Variants in LRRTM4 observed in about 807,000 individuals in gnomAD.
LRRTM4 encodes the protein leucine rich repeat transmembrane neuronal 4, also known as leucine-rich repeat transmembrane neuronal protein 4.
In LRRTM4, 25 loss-of-function variants were observed where a neutral mutation model predicts 47.6. The ratio of observed to expected loss-of-function variants is 0.53; its 90% CI spans 0.38 to 0.73. The LOEUF (loss-of-function observed/expected upper bound fraction) is 0.73. Among genes scored for constraint, LRRTM4 ranks in the 30% least tolerant of loss-of-function variants. The pLI is 0.00. For synonymous variants in LRRTM4, 311 were observed against 269.5 expected, an observed-to-expected ratio of 1.15 and a Z score of -1.51; for missense variants, 638 against 713.4, an observed-to-expected ratio of 0.89 and a Z score of 1.20.
chr2:76,757,589 GC>G (rs1673086714), intron 3 of LRRTM4, among the ~76,000 whole-genome samples: 1 of 152,086 alleles, frequency 6.6e-6, no homozygotes. Flanking sequence ...GGTAGCTCTG[GC>G]CTCTAAATTA....
chr2:77,245,392 A>AAAAAC (rs1435976754), intron 3 of LRRTM4, among the ~76,000 whole-genome samples: 10 of 151,746 alleles, frequency 6.6e-5, no homozygotes, highest in Non-Finnish European at 1.5e-5. Context: ...ACAAAAAATA[A>AAAAAC]AAAACAAAAC....
intron 3 of LRRTM4, among the ~76,000 whole-genome samples, chr2:77,483,027 A>G (rs997358242): frequency 6.9e-6 from 1 of 144,912 alleles, no homozygotes; most frequent in African/African-American, 2.5e-5. Context: ...AGGCTGAGGC[A>G]GGAGAATTGC....
chr2:76,782,309 C>CTAAA (rs1345323736), intron 3 of LRRTM4, among the ~76,000 whole-genome samples: 3 of 152,144 alleles, frequency 2.0e-5, no homozygotes, highest in Admixed American at 2.0e-4. Flanking sequence ...AGCTACAGAT[C>CTAAA]TAAATCTACA....
chr2:76,994,816 G>A (rs1055533280), intron 3 of LRRTM4, among the ~76,000 whole-genome samples: 6 of 151,904 alleles, frequency 3.9e-5, no homozygotes, highest in African/African-American at 1.2e-4. Context: ...TGATGAATGT[G>A]TGAAATTGAT....
intron 3 of LRRTM4, among the ~76,000 whole-genome samples, chr2:77,107,877 G>A (rs1671142121): frequency 6.7e-6 from 1 of 150,142 alleles, no homozygotes; most frequent in East Asian, 2.0e-4. Flanking sequence ...AAGCTATTCT[G>A]TATAGCTCTT....
At chr2:77,136,676 C>G (rs574283575) in intron 3 of LRRTM4, among the ~76,000 whole-genome samples, 13 of 152,222 alleles carry the variant, frequency 8.5e-5, no homozygotes, top group African/African-American at 2.9e-4. Flanking sequence ...TCAAATTTCT[C>G]CGAGCTAAAG....
At chr2:76,840,870 T>C (rs1028560759) in intron 3 of LRRTM4, among the ~76,000 whole-genome samples, 2 of 151,946 alleles carry the variant, frequency 1.3e-5, no homozygotes, top group African/African-American at 4.8e-5. Flanking sequence ...AGTGTGGCGA[T>C]TCCTCAGGGA....
chr2:77,260,807 G>A (rs1192743989), intron 3 of LRRTM4, among the ~76,000 whole-genome samples: 2 of 152,098 alleles, frequency 1.3e-5, no homozygotes, highest in African/African-American at 2.4e-5. Context: ...ACAAAGTCAC[G>A]CCGAGCCTGA....
intron 3 of LRRTM4, among the ~76,000 whole-genome samples, chr2:77,095,029 A>C (rs1020572367): frequency 3.9e-5 from 6 of 152,208 alleles, no homozygotes; most frequent in Non-Finnish European, 8.8e-5. Flanking sequence ...CATAAAACTG[A>C]TAAGAGGCTA....
chr2:76,947,152 C>A (rs1411656892), intron 3 of LRRTM4, among the ~76,000 whole-genome samples: 1 of 151,812 alleles, frequency 6.6e-6, no homozygotes, highest in Non-Finnish European at 1.5e-5. Flanking sequence ...TGAACATCAA[C>A]AGAAGGAATA....
At chr2:77,252,082 G>C (rs1675632788) in intron 3 of LRRTM4, among the ~76,000 whole-genome samples, 1 of 152,154 alleles carries the variant, frequency 6.6e-6, no homozygotes. Flanking sequence ...CTGATGAAAA[G>C]TCAACAAATC....
intron 3 of LRRTM4, among the ~76,000 whole-genome samples, chr2:76,825,475 C>A (rs1436961578): frequency 1.3e-5 from 2 of 151,460 alleles, no homozygotes; most frequent in Non-Finnish European, 3.0e-5. Flanking sequence ...TTGACTCGAG[C>A]AATTGTGGGG....
At chr2:76,786,799 G>A (rs1334123638) in intron 3 of LRRTM4, among the ~76,000 whole-genome samples, 1 of 151,938 alleles carries the variant, frequency 6.6e-6, no homozygotes, top group Non-Finnish European at 1.5e-5. Context: ...ACCAAAAATA[G>A]TTCATTTAAA....
intron 3 of LRRTM4, among the ~76,000 whole-genome samples, chr2:77,075,943 A>AAAAAAAAT (rs60802639): frequency 1.4e-5 from 2 of 144,238 alleles, no homozygotes; most frequent in African/African-American, 2.6e-5. Context: ...AAAAAAAAAA[A>AAAAAAAAT]TGGGATGAAG....
At chr2:77,376,902 A>T (rs1389989091) in intron 3 of LRRTM4, among the ~76,000 whole-genome samples, 1 of 151,932 alleles carries the variant, frequency 6.6e-6, no homozygotes, top group African/African-American at 2.4e-5. Flanking sequence ...TCTATTCTTG[A>T]AGTAGAGAGA....
intron 3 of LRRTM4, among the ~76,000 whole-genome samples, chr2:76,870,776 G>A (rs78867164): frequency 6.6e-6 from 1 of 152,280 alleles, no homozygotes; most frequent in Non-Finnish European, 1.5e-5. Context: ...GCCATAGAAA[G>A]TACATACTTG....
chr2:76,887,321 CTTTAAT>C lies in LRRTM4; in HGVS notation c.1552-138411_1552-138406del, dbSNP rs534320145. On this transcript the variant is annotated intron_variant, in intron 3 of 3. Coordinates refer to ENST00000409884, the MANE Select transcript of LRRTM4 (RefSeq NM_001134745.3). ...AAGTATTCAAAATTTGTAAAGCAAC[CTTTAAT>C]TTTATTTGACTTTTCCTAAACGTGT... Among the ~76,000 whole-genome samples, 331 of 151,312 alleles carry C rather than the reference CTTTAAT, an allele frequency of 2.2e-3. 7 individuals are homozygous for C. The highest frequency in any genetic ancestry group is 7.8e-3 in the African/African-American group (322 of 41,300).
chr2:77,435,890 C>G (rs1307196734), intron 3 of LRRTM4, among the ~76,000 whole-genome samples: 3 of 152,026 alleles, frequency 2.0e-5, no homozygotes, highest in Non-Finnish European at 4.4e-5. Context: ...AGATTCAGGA[C>G]ACTAAAACTT....
intron 3 of LRRTM4, among the ~76,000 whole-genome samples, chr2:76,994,636 T>C (rs1376215772): frequency 6.6e-6 from 1 of 151,954 alleles, no homozygotes; most frequent in African/African-American, 2.4e-5. Flanking sequence ...AGTCTAACTA[T>C]AAGAAATATT....
Sources: allele counts gnomAD v4.1 joint callset (sites outside exome capture counted in the v4.1 genomes callset), GRCh38; gene constraint gnomAD v4.1.1; transcripts MANE v1.5; gene names NCBI Gene and HGNC (gene_info 2026-07-23, HGNC 2026-07-21).